The following SWT1 variants were observed in gnomAD, a reference collection of about 807,000 sequenced individuals.
SWT1 encodes the protein transcriptional protein SWT1.
SWT1 carries 33 observed loss-of-function variants against 107.3 expected under a neutral mutation model. That is an observed-to-expected ratio of 0.31 (90% confidence interval 0.23 to 0.41). The LOEUF is 0.41. SWT1 is among the 10% of genes least tolerant of loss of function. The pLI is 1.00. For synonymous variants in SWT1, 345 were observed against 348.3 expected (o/e 0.99, Z 0.11); for missense variants, 898 against 1,028.9 (o/e 0.87, Z 1.74).
At chr1:185,286,222 T>C (rs528109122) in intron 18 of SWT1, among the ~76,000 whole-genome samples, 65 of 152,050 alleles carry the variant, frequency 4.3e-4, no homozygotes, top group African/African-American at 1.5e-3. Context: ...CCTTCAGCAG[T>C]GGTTTTTGTT....
At chr1:185,251,366 AT>A (rs138658307) in intron 16 of SWT1, 3 of 152,960 alleles carry the variant, frequency 2.0e-5, no homozygotes, top group African/African-American at 7.2e-5. Context: ...ACAGTTACAG[AT>A]TCTTTTGTTC....
intron 9 of SWT1, among the ~76,000 whole-genome samples, chr1:185,186,130 G>C (rs1355206691): frequency 6.6e-6 from 1 of 152,156 alleles, no homozygotes; most frequent in Non-Finnish European, 1.5e-5. Context: ...AAGATTGGTT[G>C]AGTTAATATA....
In SWT1 at chr1:185,255,539, C is replaced by G. The variant is rs1662426001; in HGVS notation, c.2442-15784C>G. Among the ~76,000 whole-genome samples the G allele has an allele frequency of 4.7e-5, 6 of 127,004 alleles. No homozygotes were observed. In the South Asian group the frequency reaches 1.6e-3, roughly 35 times the overall value. 83.3% of individuals were successfully genotyped at this position (127,004 alleles called of 152,430 possible). On this transcript the variant is annotated intron_variant, in intron 16 of 18. Transcript: ENST00000367500. ...GATCCCTTTACCATTATGTAATGGCCTTCTTTGTCTCTTTTGATCTTTGTT... is the reference window on the plus strand; with the variant it reads ...GATCCCTTTACCATTATGTAATGGCGTTCTTTGTCTCTTTTGATCTTTGTT...
At chr1:185,248,198 G>T (rs1661745420) in intron 16 of SWT1, among the ~76,000 whole-genome samples, 1 of 152,172 alleles carries the variant, frequency 6.6e-6, no homozygotes, top group Admixed American at 6.5e-5. Context: ...AGTTCAGTGT[G>T]TTTCCACCAA....
intron 4 of SWT1, among the ~76,000 whole-genome samples, chr1:185,172,212 T>G (rs777264329): frequency 6.6e-6 from 1 of 152,236 alleles, no homozygotes; most frequent in Non-Finnish European, 1.5e-5. Flanking sequence ...CAAAGTAATA[T>G]CTACTTTTAT....
intron 16 of SWT1, among the ~76,000 whole-genome samples, chr1:185,241,815 G>A (rs965631624): frequency 3.3e-5 from 5 of 152,036 alleles, no homozygotes; most frequent in Admixed American, 6.6e-5. Flanking sequence ...TTTAAAAGAG[G>A]TATAGAAGAG....
At chr1:185,193,224 A>G (rs569837890) in intron 10 of SWT1, among the ~76,000 whole-genome samples, 61 of 151,924 alleles carry the variant, frequency 4.0e-4, no homozygotes, top group African/African-American at 1.4e-3. Context: ...TTTTTTACTG[A>G]ATTGTAGTTT....
chr1:185,189,004 G>A (rs1656722214), intron 9 of SWT1, among the ~76,000 whole-genome samples: 1 of 152,020 alleles, frequency 6.6e-6, no homozygotes, highest in African/African-American at 2.4e-5. Context: ...TTAGAGACAA[G>A]GTCTCACCCT....
chr1:185,255,539 C>T (rs1662426001), intron 16 of SWT1, among the ~76,000 whole-genome samples: 2 of 127,004 alleles, frequency 1.6e-5, no homozygotes, highest in Non-Finnish European at 3.2e-5. Context: ...ATGTAATGGC[C>T]TTCTTTGTCT....
At chr1:185,168,465 A>C in intron 4 of SWT1, 67 bp downstream of exon 4, 1 of 1,071,244 alleles carries the variant, frequency 9.3e-7, no homozygotes, top group South Asian at 1.9e-5. Context: ...TTGGATTTAA[A>C]AATTTTTTTT....
In SWT1 at chr1:185,166,516, T is replaced by C. The variant is rs1654581800; in HGVS notation, c.85-56T>C. 3.5e-6 allele frequency: 4 copies of C among 1,153,112 alleles called. No individual in the cohort carries two copies. The South Asian group carries it at 5.6e-5, about 16-fold the overall frequency. The allele number at this position is 1,153,112 out of a possible 1,614,324, so 71.4% of individuals were successfully genotyped here. A position where few individuals can be genotyped will look rare whatever the true frequency, so the allele number is the denominator to read the frequency against. On this transcript the variant is annotated intron_variant, in intron 2 of 18. Coordinates refer to ENST00000367500, the MANE Select transcript of SWT1 (RefSeq NM_017673.7). ...ATACTAGTGATGAAATAGTTCTGTTTATACTATGCTTTATTTTGTGCTTTT... is the reference window on the plus strand; with the variant it reads ...ATACTAGTGATGAAATAGTTCTGTTCATACTATGCTTTATTTTGTGCTTTT...
chr1:185,180,273 A>T (rs1011896382), intron 5 of SWT1, 118 bp from the exon 6 acceptor site: 10 of 761,344 alleles, frequency 1.3e-5, no homozygotes, highest in Admixed American at 2.1e-5. Flanking sequence ...CCATCCTGCA[A>T]TATACAGGGC....
chr1:185,284,937 T>TA (rs1664862325), intron 18 of SWT1, among the ~76,000 whole-genome samples: 1 of 151,840 alleles, frequency 6.6e-6, no homozygotes, highest in South Asian at 2.1e-4. Context: ...TGGAGGTACT[T>TA]ACTGGCAGTG....
At chr1:185,212,084 A>G (rs1178560390) in intron 13 of SWT1, among the ~76,000 whole-genome samples, 1 of 152,140 alleles carries the variant, frequency 6.6e-6, no homozygotes, top group Admixed American at 6.6e-5. Flanking sequence ...GAGGGACAGC[A>G]TTAGGAGATA....
chr1:185,176,407 G>A (rs1215383766), intron 5 of SWT1: 1 of 203,322 alleles, frequency 4.9e-6, no homozygotes, highest in African/African-American at 2.4e-5. Flanking sequence ...TAGAATGGGA[G>A]AAGCCGGGAT....
intron 16 of SWT1, among the ~76,000 whole-genome samples, chr1:185,259,191 A>T (rs558709775): frequency 6.6e-6 from 1 of 152,156 alleles, no homozygotes; most frequent in Non-Finnish European, 1.5e-5. Context: ...AAGTCAGCCA[A>T]TATTAATCAA....
At chr1:185,158,017 C>G (rs1653779636) in intron 1 of SWT1, among the ~76,000 whole-genome samples, 1 of 152,188 alleles carries the variant, frequency 6.6e-6, no homozygotes, top group African/African-American at 2.4e-5. Flanking sequence ...GGCTGCCCTG[C>G]TTGGGCTTGG....
intron 10 of SWT1, among the ~76,000 whole-genome samples, chr1:185,198,538 T>A (rs894248315): frequency 1.3e-5 from 2 of 152,154 alleles, no homozygotes; most frequent in African/African-American, 4.8e-5. Context: ...GGTGTTAAAG[T>A]CTCCCACTAT....
At chr1:185,244,207 G>A (rs915569214) in intron 16 of SWT1, among the ~76,000 whole-genome samples, 6 of 152,136 alleles carry the variant, frequency 3.9e-5, no homozygotes, top group African/African-American at 1.4e-4. Context: ...TAAAGTGCTG[G>A]GATTACAGAT....
Sources: allele counts gnomAD v4.1 joint callset (sites outside exome capture counted in the v4.1 genomes callset), GRCh38; gene constraint gnomAD v4.1.1; transcripts MANE v1.5; gene names NCBI Gene and HGNC (gene_info 2026-07-23, HGNC 2026-07-21).